The following NMNAT3 variants were observed in gnomAD, a reference collection of about 807,000 sequenced individuals.
NMNAT3 encodes the protein nicotinamide/nicotinic acid mononucleotide adenylyltransferase 3.
A neutral mutation model predicts 24.8 loss-of-function variants in NMNAT3; 21 were observed. The observed-to-expected ratio is 0.85, with a 90% CI of 0.60 to 1.22. NMNAT3 has a LOEUF of 1.22. NMNAT3 is among the 50% of genes most tolerant of loss of function. The probability of loss-of-function intolerance (pLI) is 0.00; values close to 1 mark genes in which losing one functional copy is unlikely to be tolerated. For synonymous variants in NMNAT3, 136 were observed against 155.2 expected, an observed-to-expected ratio of 0.88 and a Z score of 0.92; for missense variants, 387 against 436.6, an observed-to-expected ratio of 0.89 and a Z score of 1.01.
At chr3:139,639,310 G>A (rs2056617976) in intron 1 of NMNAT3, among the ~76,000 whole-genome samples, 1 of 152,192 alleles carries the variant, frequency 6.6e-6, no homozygotes. Flanking sequence ...GACAACGTTG[G>A]GAGGCAGTTC....
chr3:139,638,611 G>A (rs1264253974), intron 1 of NMNAT3, among the ~76,000 whole-genome samples: 1 of 152,188 alleles, frequency 6.6e-6, no homozygotes, highest in Non-Finnish European at 1.5e-5. Context: ...TCCCACCTCT[G>A]TAATATCTTT....
At chr3:139,616,861 T>C (rs961564011) in intron 3 of NMNAT3, among the ~76,000 whole-genome samples, 1 of 152,188 alleles carries the variant, frequency 6.6e-6, no homozygotes, top group Admixed American at 6.5e-5. Flanking sequence ...TTTTCACAAA[T>C]GGCCTGCAAG....
intron 2 of NMNAT3, among the ~76,000 whole-genome samples, chr3:139,629,122 T>C (rs2056181553): frequency 6.6e-6 from 1 of 152,182 alleles, no homozygotes; most frequent in Non-Finnish European, 1.5e-5. Context: ...ACTTCTGAGA[T>C]AAGGTTACCA....
intron 6 of NMNAT3, 28 bp downstream of exon 6, chr3:139,573,570 T>A: frequency 7.1e-7 from 1 of 1,406,132 alleles, no homozygotes; most frequent in South Asian, 1.3e-5. Flanking sequence ...CATCTCATTC[T>A]CCTACAGACA....
At chr3:139,660,102 C>T (rs2057367336) in intron 1 of NMNAT3, among the ~76,000 whole-genome samples, 1 of 152,210 alleles carries the variant, frequency 6.6e-6, no homozygotes, top group Admixed American at 6.5e-5. Context: ...TGTGGTACCA[C>T]TCCAGCCAGT....
intron 1 of NMNAT3, among the ~76,000 whole-genome samples, chr3:139,663,302 C>T (rs377007088): frequency 6.6e-6 from 1 of 152,194 alleles, no homozygotes; most frequent in Non-Finnish European, 1.5e-5. Context: ...AGATTGGGTC[C>T]ACCTGGATGG....
chr3:139,653,890 T>C (rs200202248), intron 1 of NMNAT3, among the ~76,000 whole-genome samples: 2 of 152,188 alleles, frequency 1.3e-5, no homozygotes, highest in South Asian at 2.1e-4. Context: ...AGACATTTTC[T>C]AGTTTAGCCT....
chr3:139,649,309 A>T (rs1021330348), intron 1 of NMNAT3, among the ~76,000 whole-genome samples: 1 of 141,686 alleles, frequency 7.1e-6, no homozygotes, highest in African/African-American at 2.6e-5. Context: ...ATGTTGCAGG[A>T]TGGCAAGCAA....
At chr3:139,653,875 A>T (rs1182720933) in intron 1 of NMNAT3, among the ~76,000 whole-genome samples, 1 of 152,166 alleles carries the variant, frequency 6.6e-6, no homozygotes, top group Non-Finnish European at 1.5e-5. Flanking sequence ...GGTAGAAGGG[A>T]CCAGAGACAT....
At chr3:139,652,487 AGAT>A (rs1288879111) in intron 1 of NMNAT3, among the ~76,000 whole-genome samples, 2 of 152,080 alleles carry the variant, frequency 1.3e-5, no homozygotes, top group Admixed American at 1.3e-4. Context: ...AGCTGAGATG[AGAT>A]TCGACCCCAC....
chr3:139,575,019 C>T (rs1183386719), intron 5 of NMNAT3, among the ~76,000 whole-genome samples: 1 of 152,118 alleles, frequency 6.6e-6, no homozygotes, highest in Non-Finnish European at 1.5e-5. Flanking sequence ...AATTGAAACG[C>T]TTAGCACCAG....
chr3:139,587,781 T>C (rs2054000138), intron 3 of NMNAT3, among the ~76,000 whole-genome samples: 1 of 152,206 alleles, frequency 6.6e-6, no homozygotes, highest in South Asian at 2.1e-4. Flanking sequence ...TCTTTTTCTC[T>C]TCCTGTTTAA....
intron 3 of NMNAT3, among the ~76,000 whole-genome samples, chr3:139,590,754 CTAAGATGT>C (rs1260489798): frequency 3.3e-5 from 5 of 152,148 alleles, no homozygotes; most frequent in African/African-American, 1.2e-4. Context: ...TAAAACGTAT[CTAAGATGT>C]TAATATGGTT....
chr3:139,614,912 T>C (rs900937238), intron 3 of NMNAT3, among the ~76,000 whole-genome samples: 2 of 152,254 alleles, frequency 1.3e-5, no homozygotes, highest in African/African-American at 4.8e-5. Flanking sequence ...GGATGGTTGC[T>C]AAATGGTGGT....
chr3:139,578,183 A>G (rs542873882), intron 5 of NMNAT3, among the ~76,000 whole-genome samples: 2 of 152,326 alleles, frequency 1.3e-5, no homozygotes, highest in East Asian at 3.9e-4. Context: ...CTGCAGACAC[A>G]AGCTAGTGAC....
chr3:139,614,626 G>A (rs951377798), intron 3 of NMNAT3, among the ~76,000 whole-genome samples: 2 of 152,220 alleles, frequency 1.3e-5, no homozygotes, highest in African/African-American at 4.8e-5. Context: ...TACAGGGTAC[G>A]CCCTTCTGGC....
At chr3:139,566,904 T>G (rs1937322118) in intron 6 of NMNAT3, 3 of 152,222 alleles carry the variant, frequency 2.0e-5, no homozygotes, top group Non-Finnish European at 4.4e-5. Context: ...GTGAAGAAAG[T>G]CATTGGTAGG....
At chr3:139,621,051 G>A (rs1168555328) in intron 3 of NMNAT3, among the ~76,000 whole-genome samples, 2 of 152,102 alleles carry the variant, frequency 1.3e-5, no homozygotes, top group African/African-American at 2.4e-5. Context: ...CCAAAGTGTT[G>A]AGATTACAGG....
intron 6 of NMNAT3, among the ~76,000 whole-genome samples, chr3:139,562,372 G>T (rs897698993): frequency 6.6e-6 from 1 of 152,170 alleles, no homozygotes; most frequent in Non-Finnish European, 1.5e-5. Context: ...CACTATCCGT[G>T]TCCCTCTTGG....
Sources: allele counts gnomAD v4.1 joint callset (sites outside exome capture counted in the v4.1 genomes callset), GRCh38; gene constraint gnomAD v4.1.1; transcripts MANE v1.5; gene names NCBI Gene and HGNC (gene_info 2026-07-23, HGNC 2026-07-21).